The following RAC1 variants were observed in gnomAD, a reference collection of about 807,000 sequenced individuals.
RAC1 encodes Rac family small GTPase 1.
In RAC1, 2 loss-of-function variants were observed where a neutral mutation model predicts 25.2. That is an observed-to-expected ratio of 0.08 (90% CI 0.03 to 0.25). The LOEUF (loss-of-function observed/expected upper bound fraction) is 0.25, where lower values mean the gene tolerates loss of function less well. RAC1 is among the 10% of genes least tolerant of loss of function. The pLI is 1.00. For missense variants in RAC1, 50 were observed against 235.7 expected (o/e 0.21, Z 5.16); for synonymous variants, 88 against 94.0 (o/e 0.94, Z 0.37).
chr7:6,399,822 A>T, intron 3 of RAC1: 1 of 355,140 alleles, frequency 2.8e-6, no homozygotes, highest in Non-Finnish European at 5.1e-6. Flanking sequence ...TTTTCATTTT[A>T]GATAGTTAGG....
chr7:6,384,044 C>G (rs550507502), intron 1 of RAC1, among the ~76,000 whole-genome samples: 1 of 152,100 alleles, frequency 6.6e-6, no homozygotes, highest in East Asian at 1.9e-4. Context: ...ATCCGCCCGC[C>G]TTGGCCTCCC....
At chr7:6,383,629 A>T (rs1782833988) in intron 1 of RAC1, among the ~76,000 whole-genome samples, 1 of 152,068 alleles carries the variant, frequency 6.6e-6, no homozygotes, top group African/African-American at 2.4e-5. Flanking sequence ...GGTTGCCTTT[A>T]TATTAGTAGT....
At chr7:6,374,948 C>T (rs1782537859) in intron 1 of RAC1, among the ~76,000 whole-genome samples, 178 bp downstream of exon 1, 1 of 151,458 alleles carries the variant, frequency 6.6e-6, no homozygotes, top group Admixed American at 6.6e-5. Context: ...CCTGACGGCC[C>T]GGGCGGCGCG....
intron 2 of RAC1, among the ~76,000 whole-genome samples, chr7:6,387,688 G>A (rs537320095): frequency 1.3e-5 from 2 of 151,690 alleles, no homozygotes; most frequent in Non-Finnish European, 2.9e-5. Context: ...TCACGCCACT[G>A]CACTCCAGCC....
Position 6,394,831 on chromosome 7 carries a change from C to G in RAC1, c.225+2790C>G, listed in dbSNP as rs1361148142. Reference sequence around the variant, plus strand: ...AAGTAGCTGGGACTACAGGCATGTGCTACCATGCCTGGCTAATTTTGTTTT... The same window carrying G: ...AAGTAGCTGGGACTACAGGCATGTGGTACCATGCCTGGCTAATTTTGTTTT... On this transcript the variant is annotated intron_variant, in intron 3 of 5. Coordinates refer to ENST00000348035, the MANE Select transcript of RAC1 (RefSeq NM_006908.5). Among the ~76,000 whole-genome samples the G allele has an allele frequency of 4.6e-5, 7 of 151,830 alleles. No individual in the cohort carries two copies. The East Asian group carries it at 1.4e-3, about 29-fold the overall frequency.
At chr7:6,402,169 T>C in intron 5 of RAC1, 142 bp downstream of exon 5, 1 of 1,438,192 alleles carries the variant, frequency 7.0e-7, no homozygotes, top group South Asian at 1.4e-5. Context: ...CAAGGCCCTG[T>C]GGGTCTTAAC....
intron 3 of RAC1, among the ~76,000 whole-genome samples, chr7:6,398,036 GC>G (rs1205630719): frequency 1.3e-5 from 2 of 152,198 alleles, no homozygotes; most frequent in African/African-American, 4.8e-5. Context: ...CTACAAAGTA[GC>G]CCAGAATTGG....
chr7:6,401,790 C>A, intron 4 of RAC1, 78 bp from the exon 5 acceptor site: 1 of 1,495,032 alleles, frequency 6.7e-7, no homozygotes. Flanking sequence ...GGCATGAGTG[C>A]CGCCGGCTGG....
intron 3 of RAC1, chr7:6,398,569 C>A: frequency 8.5e-7 from 1 of 1,171,954 alleles, no homozygotes; most frequent in Non-Finnish European, 1.2e-6. Flanking sequence ...AGGGTTAAGA[C>A]AAAATTCTAA....
chr7:6,385,211 G>A (rs1182270395), intron 1 of RAC1, among the ~76,000 whole-genome samples: 1 of 152,128 alleles, frequency 6.6e-6, no homozygotes, highest in African/African-American at 2.4e-5. Flanking sequence ...TGTGATGATT[G>A]CATTCTTAAT....
intron 4 of RAC1, chr7:6,401,553 C>CT (rs1383720346): frequency 5.2e-6 from 1 of 192,894 alleles, no homozygotes; most frequent in African/African-American, 2.3e-5. Context: ...ACAAAGTGAT[C>CT]TATTTGCTTT....
chr7:6,382,322 C>T (rs1471165807), intron 1 of RAC1, among the ~76,000 whole-genome samples: 3 of 152,262 alleles, frequency 2.0e-5, no homozygotes, highest in East Asian at 3.9e-4. Flanking sequence ...GCAATATATG[C>T]TCTGTATTTT....
chr7:6,398,761 G>T (rs374382983), intron 3 of RAC1: 12 of 1,573,192 alleles, frequency 7.6e-6, no homozygotes, highest in Middle Eastern at 1.7e-4. Flanking sequence ...AGCTTTCTCT[G>T]TTCTCTCATT....
intron 1 of RAC1, among the ~76,000 whole-genome samples, chr7:6,380,424 A>T (rs1374569649): frequency 2.0e-5 from 3 of 152,172 alleles, no homozygotes; most frequent in African/African-American, 7.2e-5. Flanking sequence ...AGTTACAGTA[A>T]AAGTTTGGAG....
At chr7:6,399,034 C>T (rs1411783062) in intron 3 of RAC1, among the ~76,000 whole-genome samples, 1 of 152,170 alleles carries the variant, frequency 6.6e-6, no homozygotes, top group Admixed American at 6.6e-5. Flanking sequence ...TGGCTGTGAG[C>T]CGAGCCGGAG....
Position 6,374,781 on chromosome 7 carries a change from G to T in RAC1, c.35+11G>T. The T allele has an allele frequency of 8.8e-7, 1 of 1,131,554 alleles. No homozygotes were observed. The highest frequency in any genetic ancestry group is 1.1e-6 in the Non-Finnish European group (1 of 919,056). 70.1% of individuals were successfully genotyped at this position (1,131,554 alleles called of 1,614,324 possible). On this transcript the variant is annotated intron_variant, in intron 1 of 5. Coordinates refer to ENST00000348035, the MANE Select transcript of RAC1 (RefSeq NM_006908.5). ...GGTGGTGGGAGACGGGTGAGTGCGC[G>T]GCCGGGGCCGGGCTGGAGGCCGCGG...
intron 1 of RAC1, among the ~76,000 whole-genome samples, chr7:6,384,893 C>T (rs1313633704): frequency 6.6e-6 from 1 of 152,100 alleles, no homozygotes; most frequent in Admixed American, 6.6e-5. Flanking sequence ...CCTTGACCTC[C>T]CTCCTGGGTT....
chr7:6,392,076 A>G, intron 3 of RAC1, 35 bp downstream of exon 3: 1 of 1,613,432 alleles, frequency 6.2e-7, no homozygotes. Context: ...TGTGTCTTTT[A>G]GAGTATATAA....
At chr7:6,386,225 AT>A in intron 1 of RAC1, among the ~76,000 whole-genome samples, 1 of 152,162 alleles carries the variant, frequency 6.6e-6, no homozygotes, top group Non-Finnish European at 1.5e-5. Flanking sequence ...TCTGGGATGT[AT>A]TGTGATAGTC....
Sources: gnomAD v4.1 joint callset for allele counts (sites outside exome capture counted in the v4.1 genomes callset) on GRCh38, gnomAD v4.1.1 for gene constraint, MANE v1.5 for transcripts, NCBI Gene and HGNC (gene_info 2026-07-23, HGNC 2026-07-21) for gene names.